Variants in EPHA7 observed in about 807,000 individuals in gnomAD.
EPHA7 encodes the protein EPH receptor A7, also known as ephrin type-A receptor 7.
Under a neutral mutation model 112.6 loss-of-function variants are expected in EPHA7, and 25 were observed. The ratio of observed to expected loss-of-function variants is 0.22; its 90% confidence interval spans 0.16 to 0.31. EPHA7 has a LOEUF of 0.31. EPHA7 is among the 10% of genes least tolerant of loss of function. EPHA7 has a pLI of 1.00. For missense variants in EPHA7, 962 were observed against 1,212.6 expected (o/e 0.79, Z 3.07); for synonymous variants, 437 against 406.5 (o/e 1.07, Z -0.90).
intron 5 of EPHA7, among the ~76,000 whole-genome samples, chr6:93,291,723 C>A (rs983349303): frequency 7.6e-6 from 1 of 131,982 alleles, no homozygotes; most frequent in African/African-American, 2.8e-5. Context: ...AGCCGAGATC[C>A]CGCCACTGCA....
intron 5 of EPHA7, among the ~76,000 whole-genome samples, chr6:93,327,863 T>C (rs1168046401): frequency 6.6e-6 from 1 of 151,208 alleles, no homozygotes; most frequent in Non-Finnish European, 1.5e-5. Context: ...AATGAGATGG[T>C]TATGAAAGTA....
intron 14 of EPHA7, among the ~76,000 whole-genome samples, chr6:93,250,158 A>G (rs1582388792): frequency 6.6e-6 from 1 of 152,280 alleles, no homozygotes; most frequent in Middle Eastern, 3.4e-3. Flanking sequence ...CCCTATGGAC[A>G]TGAACACTTA....
chr6:93,318,035 C>T (rs1773892466), intron 5 of EPHA7, among the ~76,000 whole-genome samples: 1 of 152,046 alleles, frequency 6.6e-6, no homozygotes, highest in Admixed American at 6.6e-5. Flanking sequence ...GCATAAAGTT[C>T]AAATGACTAA....
rs574184913 is a variant in EPHA7 at position 93,240,477 on chromosome 6, C to T, written c.*2949G>A. On this transcript the variant is annotated 3_prime_UTR_variant, in exon 17 of 17. Coordinates refer to ENST00000369303, the MANE Select transcript of EPHA7 (RefSeq NM_004440.4). The stretch of plus-strand genomic sequence containing the variant: ...GATTACATAAGTATACAATATGATT[C>T]AACTAATAGTGCTCTGACAAGCATA... The T allele has an allele frequency of 4.6e-6, 1 of 218,530 alleles. No homozygotes were observed. The highest frequency in any genetic ancestry group is 1.9e-4 in the South Asian group (1 of 5,376). 13.5% of individuals were successfully genotyped at this position (218,530 alleles called of 1,614,324 possible). A position where few individuals can be genotyped will look rare whatever the true frequency, so the allele number is the denominator to read the frequency against.
At chr6:93,332,494 A>C (rs1038628862) in intron 5 of EPHA7, among the ~76,000 whole-genome samples, 2 of 151,614 alleles carry the variant, frequency 1.3e-5, no homozygotes, top group African/African-American at 4.8e-5. Flanking sequence ...TAAGTGGCTT[A>C]TATATTTTTA....
At chr6:93,340,936 G>A (rs1775108174) in intron 5 of EPHA7, among the ~76,000 whole-genome samples, 2 of 151,920 alleles carry the variant, frequency 1.3e-5, no homozygotes, top group African/African-American at 4.8e-5. Flanking sequence ...GATACAGGTA[G>A]TAGTCTGTGA....
intron 5 of EPHA7, among the ~76,000 whole-genome samples, chr6:93,313,494 AACAATATATGTT>A (rs572443842): frequency 1.0e-3 from 154 of 152,036 alleles, no homozygotes; most frequent in African/African-American, 3.4e-3. Context: ...TATAGCCAGA[AACAATATATGTT>A]TTAAAAGAAT....
intron 7 of EPHA7, among the ~76,000 whole-genome samples, chr6:93,267,282 G>A (rs563189746): frequency 6.6e-6 from 1 of 151,756 alleles, no homozygotes; most frequent in East Asian, 1.9e-4. Context: ...TTCCATGATA[G>A]GGGCTCTCCT....
chr6:93,281,286 A>G (rs972671722), intron 5 of EPHA7, among the ~76,000 whole-genome samples: 4 of 152,190 alleles, frequency 2.6e-5, no homozygotes, highest in African/African-American at 9.6e-5. Context: ...ATATATTGAG[A>G]AAGAGAAATA....
At chr6:93,333,788 A>G (rs757988902) in intron 5 of EPHA7, among the ~76,000 whole-genome samples, 4 of 152,000 alleles carry the variant, frequency 2.6e-5, no homozygotes, top group Non-Finnish European at 1.5e-5. Context: ...GCTGAAAGAA[A>G]TGAGAGATAG....
Position 93,377,571 on chromosome 6 carries a change from T to C in EPHA7, c.833-19160A>G, listed in dbSNP as rs563072589. On this transcript the variant is annotated intron_variant, in intron 3 of 16. Coordinates refer to ENST00000369303, the MANE Select transcript of EPHA7 (RefSeq NM_004440.4). The stretch of plus-strand genomic sequence containing the variant: ...AAACTAAAAAAAAAAATGTGCTACA[T>C]AGATTTAAGTTGACAGAACTATTGT... 1.5e-4 allele frequency among the ~76,000 whole-genome samples: 22 copies of C among 151,330 alleles called. No individual in the cohort carries two copies. In the South Asian group the frequency reaches 1.7e-3, roughly 11 times the overall value.
chr6:93,243,513 C>G lies in EPHA7; in HGVS notation c.2910G>C (p.Leu970=), dbSNP rs1345436094. ...IEDVMSLGIT[L]VGHQKKIMSS... Reference sequence around the variant, plus strand: ...TCATGATTTTCTTTTGATGACCAACCAGTGTGATCCCTAAACTCATCACAT... The same window carrying G: ...TCATGATTTTCTTTTGATGACCAACGAGTGTGATCCCTAAACTCATCACAT... Residue 970 remains leucine, a synonymous_variant, in exon 17 of 17, where the codon CTG becomes CTC. Coordinates refer to ENST00000369303, the MANE Select transcript of EPHA7 (RefSeq NM_004440.4). The G allele has an allele frequency of 1.2e-6, 2 of 1,613,398 alleles. No individual in the cohort carries two copies. The highest frequency in any genetic ancestry group is 2.2e-5 in the East Asian group (1 of 44,828).
At chr6:93,266,145 C>T (rs1430873858) in intron 7 of EPHA7, among the ~76,000 whole-genome samples, 1 of 151,676 alleles carries the variant, frequency 6.6e-6, no homozygotes, top group Non-Finnish European at 1.5e-5. Context: ...CCTATTATCA[C>T]ACAACAGAGA....
chr6:93,332,221 T>C (rs1224832569), intron 5 of EPHA7, among the ~76,000 whole-genome samples: 1 of 151,502 alleles, frequency 6.6e-6, no homozygotes, highest in African/African-American at 2.4e-5. Context: ...GTGGACCCGG[T>C]GGAAGGTGAC....
chr6:93,284,846 G>A (rs1299113339), intron 5 of EPHA7, among the ~76,000 whole-genome samples: 1 of 151,836 alleles, frequency 6.6e-6, no homozygotes, highest in African/African-American at 2.4e-5. Flanking sequence ...GGGCCTGTTG[G>A]GGGGTGGGGG....
intron 5 of EPHA7, among the ~76,000 whole-genome samples, chr6:93,334,975 A>T (rs988212180): frequency 6.6e-6 from 1 of 152,088 alleles, no homozygotes; most frequent in Non-Finnish European, 1.5e-5. Flanking sequence ...AAGGACAGGA[A>T]GAAATAAATA....
chr6:93,273,845 A>T (rs1333073370), intron 5 of EPHA7, among the ~76,000 whole-genome samples: 1 of 152,046 alleles, frequency 6.6e-6, no homozygotes, highest in African/African-American at 2.4e-5. Flanking sequence ...CCTGCTTAGC[A>T]TAACTCAGTA....
At chr6:93,349,315 C>T (rs1450831373) in intron 5 of EPHA7, among the ~76,000 whole-genome samples, 1 of 151,750 alleles carries the variant, frequency 6.6e-6, no homozygotes, top group South Asian at 2.1e-4. Flanking sequence ...AAAGTTACTC[C>T]TTGTTTAAGC....
Position 93,359,874 on chromosome 6 carries a change from G to GAGATAGATAGAT in EPHA7, c.833-1475_833-1464dup, listed in dbSNP as rs66894419. 8.4e-3 allele frequency among the ~76,000 whole-genome samples: 1,077 copies of GAGATAGATAGAT among 127,914 alleles called. 8 individuals carry two copies. The highest frequency in any genetic ancestry group is 0.014 in the African/African-American group (475 of 34,000). 83.9% of individuals were successfully genotyped at this position (127,914 alleles called of 152,430 possible). A position where few individuals can be genotyped will look rare whatever the true frequency, so the allele number is the denominator to read the frequency against. On this transcript the variant is annotated intron_variant, in intron 3 of 16. Transcript: ENST00000369303. The stretch of plus-strand genomic sequence containing the variant: ...GATGATAGAGAGAGAGAGAGAGAGA[G>GAGATAGATAGAT]AGATAGATAGATAGATAGATAGATA...
Sources: allele counts gnomAD v4.1 joint callset (sites outside exome capture counted in the v4.1 genomes callset), GRCh38; gene constraint gnomAD v4.1.1; transcripts MANE v1.5; gene names NCBI Gene and HGNC (gene_info 2026-07-23, HGNC 2026-07-21).